Variants in CSMD1 observed in about 807,000 individuals in gnomAD.
CSMD1 encodes CUB and sushi domain-containing protein 1.
In CSMD1, 213 loss-of-function variants were observed where a neutral mutation model predicts 417.5. The ratio of observed to expected loss-of-function variants is 0.51; its 90% CI spans 0.46 to 0.57. The LOEUF is 0.57. CSMD1 is among the 20% of genes least tolerant of loss of function. The pLI, the probability that CSMD1 is intolerant of heterozygous loss-of-function variation, is 0.00. For synonymous variants in CSMD1, 2,862 were observed against 1,736.8 expected (o/e 1.65, Z -16.11); for missense variants, 6,923 against 4,529.7 (o/e 1.53, Z -15.17).
At chr8:3,254,531 T>G (rs886235571) in intron 26 of CSMD1, among the ~76,000 whole-genome samples, 30 of 152,320 alleles carry the variant, frequency 2.0e-4, no homozygotes, top group Non-Finnish European at 3.5e-4. Flanking sequence ...GTAGATTTGG[T>G]CTTTTCACAT....
In CSMD1 at chr8:4,095,490, C is replaced by T. The variant is rs571040428; in HGVS notation, c.416-63391G>A. Among the ~76,000 whole-genome samples, 5 of 152,180 alleles carry T rather than the reference C, an allele frequency of 3.3e-5. No homozygotes were observed. In the South Asian group the frequency reaches 6.2e-4, roughly 19 times the overall value. On this transcript the variant is annotated intron_variant, in intron 3 of 69. Coordinates refer to ENST00000635120, the MANE Select transcript of CSMD1 (RefSeq NM_033225.6). ...ATTTTTGTGTTGTTTTTCCTATTTTCCGAAATTTGAAGTGGAAAGAATGTC... is the reference window on the plus strand; with the variant it reads ...ATTTTTGTGTTGTTTTTCCTATTTTTCGAAATTTGAAGTGGAAAGAATGTC...
At chr8:4,904,716 G>A (rs977195301) in intron 1 of CSMD1, among the ~76,000 whole-genome samples, 7 of 151,980 alleles carry the variant, frequency 4.6e-5, no homozygotes, top group Non-Finnish European at 8.8e-5. Context: ...AGTAACACAG[G>A]TAAATGTGAT....
chr8:3,925,804 T>C (rs137995037), intron 5 of CSMD1, among the ~76,000 whole-genome samples: 57 of 152,240 alleles, frequency 3.7e-4, no homozygotes, highest in African/African-American at 1.4e-3. Context: ...GGTATGTCTT[T>C]ATCAGCAGCA....
At chr8:4,575,734 T>G (rs536476757) in intron 2 of CSMD1, among the ~76,000 whole-genome samples, 4 of 152,322 alleles carry the variant, frequency 2.6e-5, no homozygotes, top group African/African-American at 9.6e-5. Flanking sequence ...AAGAGAAGTA[T>G]TCTTGATTTT....
intron 52 of CSMD1, among the ~76,000 whole-genome samples, chr8:3,006,561 G>A (rs1807923078): frequency 6.6e-6 from 1 of 151,980 alleles, no homozygotes; most frequent in South Asian, 2.1e-4. Flanking sequence ...CATGGTACTG[G>A]TACCAAAGCA....
At chr8:4,336,216 A>T (rs186762841) in intron 3 of CSMD1, among the ~76,000 whole-genome samples, 1 of 152,292 alleles carries the variant, frequency 6.6e-6, no homozygotes, top group East Asian at 1.9e-4. Flanking sequence ...GGTAGTATGA[A>T]TGCACCTGTA....
At chr8:4,008,664 G>A (rs966986767) in intron 4 of CSMD1, among the ~76,000 whole-genome samples, 5 of 134,518 alleles carry the variant, frequency 3.7e-5, no homozygotes, top group Admixed American at 1.7e-4. Context: ...AGGCTGGAGT[G>A]CAGTGGTGCG....
At chr8:3,031,539 C>A (rs959033126) in intron 50 of CSMD1, among the ~76,000 whole-genome samples, 5 of 151,948 alleles carry the variant, frequency 3.3e-5, no homozygotes, top group African/African-American at 9.7e-5. Context: ...AATGACTCAA[C>A]TTTGTTCTTT....
chr8:3,189,823 A>C lies in CSMD1; in HGVS notation c.5398+89T>G, dbSNP rs115312220. 5,012 of 1,246,616 alleles carry C rather than the reference A, an allele frequency of 4.0e-3. 142 individuals are homozygous for C. The African/African-American group carries it at 0.062, about 15-fold the overall frequency. 77.2% of individuals were successfully genotyped at this position (1,246,616 alleles called of 1,614,324 possible). On this transcript the variant is annotated intron_variant, in intron 34 of 69. Coordinates refer to ENST00000635120, the MANE Select transcript of CSMD1 (RefSeq NM_033225.6). ...TTTAAATGGGTCATGAGCCAGATGGATTTACGTAGCCTGGATAGAAACATG... is the reference window on the plus strand; with the variant it reads ...TTTAAATGGGTCATGAGCCAGATGGCTTTACGTAGCCTGGATAGAAACATG...
intron 3 of CSMD1, among the ~76,000 whole-genome samples, chr8:4,152,544 G>C (rs1035980355): frequency 6.8e-6 from 1 of 147,594 alleles, no homozygotes; most frequent in African/African-American, 2.5e-5. Flanking sequence ...AAAAAAATTA[G>C]CTAGTCATGG....
At chr8:4,420,433 G>C (rs912539476) in intron 2 of CSMD1, among the ~76,000 whole-genome samples, 2 of 151,966 alleles carry the variant, frequency 1.3e-5, no homozygotes, top group African/African-American at 2.4e-5. Flanking sequence ...TTATTAGGTA[G>C]GTGAAGGTGC....
chr8:4,486,220 TATATAC>T (rs1801400160), intron 2 of CSMD1, among the ~76,000 whole-genome samples: 1 of 23,556 alleles, frequency 4.2e-5, no homozygotes, highest in African/African-American at 1.8e-4. Context: ...TATATATATA[TATATAC>T]ATACATATAT....
intron 6 of CSMD1, among the ~76,000 whole-genome samples, chr8:3,723,580 T>C (rs1451638468): frequency 2.0e-5 from 3 of 152,230 alleles, no homozygotes; most frequent in Non-Finnish European, 4.4e-5. Flanking sequence ...TTAGATAGTC[T>C]TTTTGCCAAT....
intron 1 of CSMD1, among the ~76,000 whole-genome samples, chr8:4,794,318 C>A (rs1459266720): frequency 1.3e-5 from 2 of 152,206 alleles, no homozygotes; most frequent in Non-Finnish European, 2.9e-5. Context: ...AAAAGAAGGT[C>A]TCTGCATTTC....
intron 1 of CSMD1, among the ~76,000 whole-genome samples, chr8:4,851,707 C>T (rs1208262429): frequency 6.6e-6 from 1 of 152,182 alleles, no homozygotes; most frequent in Non-Finnish European, 1.5e-5. Flanking sequence ...CATCGGCAAT[C>T]ACCCATATGA....
At chr8:3,484,230 A>C (rs1027147063) in intron 11 of CSMD1, among the ~76,000 whole-genome samples, 1 of 152,246 alleles carries the variant, frequency 6.6e-6, no homozygotes, top group African/African-American at 2.4e-5. Flanking sequence ...TTGGTAGAAG[A>C]CTAGACACAC....
chr8:4,417,291 C>G (rs1337027112), intron 3 of CSMD1, among the ~76,000 whole-genome samples: 1 of 151,934 alleles, frequency 6.6e-6, no homozygotes, highest in Non-Finnish European at 1.5e-5. Flanking sequence ...CATTATGTAG[C>G]TTAATAGTTC....
At chr8:4,893,973 G>C (rs1407799282) in intron 1 of CSMD1, among the ~76,000 whole-genome samples, 3 of 152,018 alleles carry the variant, frequency 2.0e-5, no homozygotes, top group African/African-American at 7.3e-5. Flanking sequence ...TTTAGGTACA[G>C]ATTTTCAAGA....
intron 12 of CSMD1, among the ~76,000 whole-genome samples, chr8:3,467,480 G>T (rs925867164): frequency 6.6e-6 from 1 of 152,198 alleles, no homozygotes; most frequent in Admixed American, 6.5e-5. Flanking sequence ...ACGTCAGGAG[G>T]TATTCAGCAG....
Sources: allele counts gnomAD v4.1 joint callset (sites outside exome capture counted in the v4.1 genomes callset), GRCh38; gene constraint gnomAD v4.1.1; transcripts MANE v1.5; gene names NCBI Gene and HGNC (gene_info 2026-07-23, HGNC 2026-07-21).